FAM221A: variants seen among roughly 807,000 people sequenced by gnomAD.
FAM221A encodes the protein protein FAM221A.
FAM221A carries 43 observed loss-of-function variants against 37.6 expected under a neutral mutation model. That is an observed-to-expected ratio of 1.15 (90% CI 0.90 to 1.48). The LOEUF is 1.48. Ranked by LOEUF, FAM221A falls within the 40% of genes most tolerant of loss-of-function variation. The probability of loss-of-function intolerance (pLI) is 0.00; values close to 1 mark genes in which losing one functional copy is unlikely to be tolerated. For missense variants in FAM221A, 361 were observed against 361.5 expected (o/e 1.00, Z 0.01); for synonymous variants, 135 against 132.9 (o/e 1.02, Z -0.11).
intron 2 of FAM221A, among the ~76,000 whole-genome samples, chr7:23,686,027 A>G (rs1354699676): frequency 6.6e-6 from 1 of 152,200 alleles, no homozygotes; most frequent in Non-Finnish European, 1.5e-5. Flanking sequence ...TTTGTTAGGC[A>G]GTTGCTAGGA....
rs760732004 is a variant in FAM221A, at chr7:23,684,628, T to C, written c.195T>C (p.Asp65=). 15 of 1,614,104 alleles carry C rather than the reference T, an allele frequency of 9.3e-6. No individual in the cohort carries two copies. Among genetic ancestry groups the C allele is most frequent in the Non-Finnish European group, 1.3e-5 (15 of 1,179,984 alleles). ...GCTGGCGGTCACCAACAGGGATGGA[T>C]TGTAAACTTGTGGGCCCAGAGACAC... ...FVSWRSPTGM[D]CKLVGPETLC... is the part of the protein sequence containing the mutation. Residue 65 remains aspartate, a synonymous_variant, in exon 2 of 7, where the codon GAT becomes GAC. Coordinates refer to ENST00000344962, the MANE Select transcript of FAM221A (RefSeq NM_199136.5).
At chr7:23,699,535 C>CTTTTTTT (rs57930152) in intron 5 of FAM221A, among the ~76,000 whole-genome samples, 20 of 64,158 alleles carry the variant, frequency 3.1e-4, no homozygotes, top group South Asian at 9.6e-4. Flanking sequence ...TCACCTTTTC[C>CTTTTTTT]TTTTTTTTTT....
chr7:23,699,075 C>T (rs577422960), intron 5 of FAM221A, among the ~76,000 whole-genome samples: 6 of 151,372 alleles, frequency 4.0e-5, no homozygotes, highest in African/African-American at 7.3e-5. Context: ...GGAGGAAGCC[C>T]GAGTTCCTCA....
intron 1 of FAM221A, among the ~76,000 whole-genome samples, 154 bp downstream of exon 1, chr7:23,680,437 T>G (rs1417537395): frequency 6.6e-6 from 1 of 152,088 alleles, no homozygotes; most frequent in Non-Finnish European, 1.5e-5. Context: ...TCCAGTTTAG[T>G]CTTTGCCTAA....
chr7:23,688,366 T>C (rs950825044), intron 2 of FAM221A: 1 of 152,174 alleles, frequency 6.6e-6, no homozygotes, highest in African/African-American at 2.4e-5. Context: ...ATTTCTTTGA[T>C]TAATATTGAG....
intron 2 of FAM221A, among the ~76,000 whole-genome samples, chr7:23,685,821 G>A (rs959046890): frequency 3.3e-5 from 5 of 152,128 alleles, no homozygotes; most frequent in Non-Finnish European, 5.9e-5. Context: ...TTTTGCTACC[G>A]TCTCACAGTT....
intron 2 of FAM221A, 80 bp downstream of exon 2, chr7:23,684,752 A>G: frequency 1.6e-6 from 2 of 1,224,774 alleles, no homozygotes; most frequent in East Asian, 2.5e-5. Context: ...AATCGTAATG[A>G]TTGAGAAACA....
At chr7:23,700,593 G>GA (rs1785359829) in intron 5 of FAM221A, among the ~76,000 whole-genome samples, 193 bp from the exon 6 acceptor site, 1 of 152,194 alleles carries the variant, frequency 6.6e-6, no homozygotes, top group Admixed American at 6.5e-5. Flanking sequence ...GTTTGCTAGT[G>GA]AAAAACACTT....
In FAM221A at chr7:23,691,472, T is replaced by C; in HGVS notation, c.513T>C (p.Thr171=). The stretch of plus-strand genomic sequence containing the variant: ...ATGCCCATGACACAGTAGTGGAAAC[T>C]AAGCAAGAAAGATTGGCTCAGGAAA... ...PAYAHDTVVE[T]KQERLAQEKP... is the part of the protein sequence containing the mutation. The change falls in exon 4 of 7, where the codon ACT becomes ACC. Residue 171 remains threonine, a synonymous_variant. Coordinates refer to ENST00000344962, the MANE Select transcript of FAM221A (RefSeq NM_199136.5). The C allele has an allele frequency of 6.2e-7, 1 of 1,614,240 alleles. No individual in the cohort carries two copies. Among genetic ancestry groups the C allele is most frequent in the Non-Finnish European group, 8.5e-7 (1 of 1,180,046 alleles).
intron 2 of FAM221A, 22 bp from the exon 3 acceptor site, chr7:23,689,247 C>T: frequency 2.1e-6 from 3 of 1,463,272 alleles, no homozygotes; most frequent in Non-Finnish European, 1.9e-6. Flanking sequence ...GTTTATATTT[C>T]TCTCTCTTTC....
intron 2 of FAM221A, among the ~76,000 whole-genome samples, chr7:23,686,136 C>T (rs1784352827): frequency 6.6e-6 from 1 of 152,210 alleles, no homozygotes; most frequent in South Asian, 2.1e-4. Context: ...TGATATCTTT[C>T]AGAATTAAAG....
chr7:23,689,153 AG>A, intron 2 of FAM221A, 115 bp from the exon 3 acceptor site: 1 of 636,682 alleles, frequency 1.6e-6, no homozygotes, highest in Non-Finnish European at 2.5e-6. Context: ...CTTACTATGA[AG>A]AATAATAAAG....
Position 23,698,199 on chromosome 7 carries a change from T to C in FAM221A, c.645T>C (p.Pro215=). ...MRLDDSGIGV[P]SVEFLESPIT... ...CATGTATTGTTTTCTCAGGTGTACC[T>C]TCAGTTGAATTTTTAGAATCTCCCA... The change falls in exon 5 of 7, where the codon CCT becomes CCC. Residue 215 remains proline, a synonymous_variant. Coordinates refer to ENST00000344962, the MANE Select transcript of FAM221A (RefSeq NM_199136.5). 6.4e-7 allele frequency: 1 copy of C among 1,553,550 alleles called. No individual in the cohort carries two copies. Among genetic ancestry groups the C allele is most frequent in the Non-Finnish European group, 8.8e-7 (1 of 1,130,598 alleles).
intron 4 of FAM221A, chr7:23,694,505 A>T (rs1784934546): frequency 6.6e-6 from 1 of 152,216 alleles, no homozygotes; most frequent in Non-Finnish European, 1.5e-5. Context: ...AGAAAACCCA[A>T]CTACCAGTGT....
rs766309341 is a variant in FAM221A at position 23,700,769 on chromosome 7, T to G, written c.746-17T>G. 6.7e-7 allele frequency: 1 copy of G among 1,499,408 alleles called. No homozygotes were observed. Among genetic ancestry groups the G allele is most frequent in the Non-Finnish European group, 9.1e-7 (1 of 1,097,442 alleles). 92.9% of individuals were successfully genotyped at this position (1,499,408 alleles called of 1,614,324 possible). On this transcript the variant is annotated splice_polypyrimidine_tract_variant and intron_variant, in intron 5 of 6. Coordinates refer to ENST00000344962, the MANE Select transcript of FAM221A (RefSeq NM_199136.5). Reference sequence around the variant, plus strand: ...TAATGATATAAATACATTACTTAGATTTTTTTTCCTTGTTAGTAGGTACAA... The same window carrying G: ...TAATGATATAAATACATTACTTAGAGTTTTTTTCCTTGTTAGTAGGTACAA...
At chr7:23,693,845 T>G (rs1784889653) in intron 4 of FAM221A, 1 of 152,242 alleles carries the variant, frequency 6.6e-6, no homozygotes, top group Non-Finnish European at 1.5e-5. Context: ...TTTATTTTAC[T>G]TTAAGTTCTG....
intron 1 of FAM221A, among the ~76,000 whole-genome samples, chr7:23,683,787 G>A (rs1436998864): frequency 2.0e-5 from 3 of 152,126 alleles, no homozygotes; most frequent in South Asian, 2.1e-4. Flanking sequence ...GCCTATTCTC[G>A]TGGCCCAGTA....
Position 23,691,390 on chromosome 7 carries a change from G to A in FAM221A, c.431G>A (p.Cys144Tyr). The A allele has an allele frequency of 6.2e-7, 1 of 1,613,940 alleles. No individual in the cohort carries two copies. The highest frequency in any genetic ancestry group is 1.3e-5 in the African/African-American group (1 of 75,022). The change falls in exon 4 of 7, where the codon TGT becomes TAT. Residue 144 changes from cysteine (C) to tyrosine (Y), a missense_variant and splice_region_variant. By Grantham distance (194) the Cys-to-Tyr change is radical. Transcript: ENST00000344962. The stretch of plus-strand genomic sequence containing the variant: ...TAACTCCCTTTACATCTTGATTCAG[G>A]TTCCAAGTGTTCAGGATTCCATAGC... ...SAAPGFTCNT[C>Y]SKCSGFHSCF...
At position 23,702,268 on chromosome 7, in the gene FAM221A, T is replaced by A; in HGVS notation, c.*104T>A. The A allele has an allele frequency of 1.5e-6, 1 of 672,230 alleles. No homozygotes were observed. Among genetic ancestry groups the A allele is most frequent in the Non-Finnish European group, 2.3e-6 (1 of 434,834 alleles). 41.6% of individuals were successfully genotyped at this position (672,230 alleles called of 1,614,324 possible). ...CCTGAAATTATTTACTTTTTTTTTT[T>A]ACTGTATAAATGTCTTTTGGGATGT... On this transcript the variant is annotated 3_prime_UTR_variant, in exon 7 of 7. Transcript: ENST00000344962.
Sources: gnomAD v4.1 joint callset for allele counts (sites outside exome capture counted in the v4.1 genomes callset) on GRCh38, gnomAD v4.1.1 for gene constraint, MANE v1.5 for transcripts, NCBI Gene and HGNC (gene_info 2026-07-23, HGNC 2026-07-21) for gene names.